Variants in SLC26A7 observed in about 807,000 individuals in gnomAD.
SLC26A7 encodes anion exchange transporter.
Under a neutral mutation model 82.5 loss-of-function variants are expected in SLC26A7, and 59 were observed. The ratio of observed to expected loss-of-function variants is 0.72; its 90% CI spans 0.58 to 0.89. The LOEUF (loss-of-function observed/expected upper bound fraction) is 0.89, where lower values mean the gene tolerates loss of function less well. SLC26A7 is among the 40% of genes least tolerant of loss of function. SLC26A7 has a pLI of 0.00. For synonymous variants in SLC26A7, 271 were observed against 274.3 expected (o/e 0.99, Z 0.12); for missense variants, 820 against 793.0 (o/e 1.03, Z -0.41).
chr8:91,297,593 T>C (rs1325527806), intron 4 of SLC26A7, among the ~76,000 whole-genome samples: 1 of 152,176 alleles, frequency 6.6e-6, no homozygotes, highest in Non-Finnish European at 1.5e-5. Flanking sequence ...TTCTTCCTCT[T>C]TAGCTCTGAT....
At chr8:91,381,375 G>T (rs1814666641) in intron 15 of SLC26A7, among the ~76,000 whole-genome samples, 1 of 152,048 alleles carries the variant, frequency 6.6e-6, no homozygotes, top group Non-Finnish European at 1.5e-5. Context: ...TGAATGAACT[G>T]CATGGACCCA....
intron 2 of SLC26A7, among the ~76,000 whole-genome samples, chr8:91,253,540 C>T (rs1485189992): frequency 1.3e-5 from 2 of 152,040 alleles, no homozygotes; most frequent in African/African-American, 4.8e-5. Context: ...TGCATTGATC[C>T]TGTTCAGAAT....
At chr8:91,379,209 A>C (rs2130892174) in intron 15 of SLC26A7, among the ~76,000 whole-genome samples, 1 of 152,212 alleles carries the variant, frequency 6.6e-6, no homozygotes, top group East Asian at 1.9e-4. Context: ...ATGCCCATTG[A>C]TTAGAATACT....
At chr8:91,224,003 T>G (rs1810199818) in intron 2 of SLC26A7, among the ~76,000 whole-genome samples, 1 of 151,928 alleles carries the variant, frequency 6.6e-6, no homozygotes, top group African/African-American at 2.4e-5. Context: ...AAGAAGTTCT[T>G]GTGCTGTGTT....
intron 11 of SLC26A7, among the ~76,000 whole-genome samples, chr8:91,360,353 A>G (rs1814015350): frequency 6.6e-6 from 1 of 152,172 alleles, no homozygotes; most frequent in Non-Finnish European, 1.5e-5. Context: ...AGCAAGTAGG[A>G]ACACATAACA....
intron 6 of SLC26A7, among the ~76,000 whole-genome samples, chr8:91,336,334 G>T (rs1813240655): frequency 6.6e-6 from 1 of 152,114 alleles, no homozygotes; most frequent in Admixed American, 6.6e-5. Flanking sequence ...ACAGCAGAAG[G>T]TGAGCATTAT....
intron 2 of SLC26A7, among the ~76,000 whole-genome samples, chr8:91,288,901 T>A (rs1811785465): frequency 6.6e-6 from 1 of 152,182 alleles, no homozygotes; most frequent in Non-Finnish European, 1.5e-5. Context: ...TTTGTAGACA[T>A]CTCTGCAATC....
chr8:91,340,904 A>G (rs760954869), intron 8 of SLC26A7, among the ~76,000 whole-genome samples: 21 of 152,214 alleles, frequency 1.4e-4, no homozygotes, highest in Non-Finnish European at 2.8e-4. Context: ...AAACTAAAGA[A>G]TGTGAGCGTC....
At chr8:91,302,140 G>A (rs936615466) in intron 4 of SLC26A7, among the ~76,000 whole-genome samples, 1 of 151,880 alleles carries the variant, frequency 6.6e-6, no homozygotes, top group African/African-American at 2.4e-5. Flanking sequence ...TTTTTTGTGA[G>A]TGTTTCATGA....
At chr8:91,239,393 A>AAT (rs1554600143) in intron 2 of SLC26A7, among the ~76,000 whole-genome samples, 1 of 101,852 alleles carries the variant, frequency 9.8e-6, no homozygotes, top group African/African-American at 3.3e-5. Flanking sequence ...AAAAAAAAAA[A>AAT]AAATATATAT....
At chr8:91,263,461 T>C (rs771357660) in intron 2 of SLC26A7, among the ~76,000 whole-genome samples, 3 of 152,088 alleles carry the variant, frequency 2.0e-5, no homozygotes, top group Non-Finnish European at 4.4e-5. Context: ...AAAGCAACTA[T>C]AAGTGCAAAT....
chr8:91,235,086 A>AT lies in SLC26A7; in HGVS notation c.-33-14527dup, dbSNP rs199621492. ...AGGCATGAGTGACCACGCGAGGCTA[A>AT]TTTTTTAAAAATTTTTTTGTGGAAA... On this transcript the variant is annotated intron_variant, in intron 2 of 5. Transcript: ENST00000522862. Among the ~76,000 whole-genome samples the AT allele has an allele frequency of 2.7e-3, 413 of 152,024 alleles. 2 individuals are homozygous for AT. Among genetic ancestry groups the AT allele is most frequent in the African/African-American group, 9.5e-3 (394 of 41,442 alleles).
chr8:91,389,507 T>C, intron 16 of SLC26A7, 69 bp downstream of exon 16: 3 of 1,073,230 alleles, frequency 2.8e-6, no homozygotes, highest in Non-Finnish European at 4.3e-6. Flanking sequence ...TTCACCACCT[T>C]CTCTCCATAG....
chr8:91,260,696 T>C (rs890879193), intron 2 of SLC26A7, among the ~76,000 whole-genome samples: 1 of 152,058 alleles, frequency 6.6e-6, no homozygotes, highest in Non-Finnish European at 1.5e-5. Flanking sequence ...TGTCTTTCTG[T>C]TTCTATTATT....
chr8:91,378,197 G>C (rs1814569582), intron 15 of SLC26A7, among the ~76,000 whole-genome samples: 1 of 151,662 alleles, frequency 6.6e-6, no homozygotes, highest in Non-Finnish European at 1.5e-5. Flanking sequence ...AAACAAGGGA[G>C]GGAGAGCAGG....
intron 2 of SLC26A7, among the ~76,000 whole-genome samples, chr8:91,272,343 G>A (rs999346373): frequency 6.6e-6 from 1 of 152,148 alleles, no homozygotes; most frequent in African/African-American, 2.4e-5. Flanking sequence ...GTAATTCTTA[G>A]TATAATATTC....
At chr8:91,296,231 A>T (rs571416231) in intron 4 of SLC26A7, among the ~76,000 whole-genome samples, 1 of 152,306 alleles carries the variant, frequency 6.6e-6, no homozygotes, top group South Asian at 2.1e-4. Context: ...TGCTGCCAAG[A>T]TTGCTACAGT....
In SLC26A7 at chr8:91,396,496, G is replaced by A. The variant is rs1808576565; in HGVS notation, c.*1399G>A. 6.6e-6 allele frequency: 1 copy of A among 151,936 alleles called. No individual in the cohort carries two copies. The highest frequency in any genetic ancestry group is 2.1e-4 in the South Asian group (1 of 4,830). The allele number at this position is 151,936 out of a possible 1,614,324, so 9.4% of individuals were successfully genotyped here. ...TTATAATGGTCTCTAGCAAATGTGT[G>A]GTAAACATTCATATGGCCATTAATT... On this transcript the variant is annotated 3_prime_UTR_variant, in exon 19 of 19. Transcript: ENST00000276609.
At chr8:91,274,947 G>A (rs1811368000) in intron 2 of SLC26A7, among the ~76,000 whole-genome samples, 1 of 152,112 alleles carries the variant, frequency 6.6e-6, no homozygotes, top group South Asian at 2.1e-4. Flanking sequence ...TGCCAAGGAT[G>A]GGTACTTTGA....
Sources: allele counts gnomAD v4.1 joint callset (sites outside exome capture counted in the v4.1 genomes callset), GRCh38; gene constraint gnomAD v4.1.1; transcripts MANE v1.5; gene names NCBI Gene and HGNC (gene_info 2026-07-23, HGNC 2026-07-21).